Variants in MYO16 observed in about 807,000 individuals in gnomAD.
MYO16 encodes the protein unconventional myosin-XVI.
Under a neutral mutation model 205.3 loss-of-function variants are expected in MYO16, and 94 were observed. That is an observed-to-expected ratio of 0.46 (90% confidence interval 0.39 to 0.54). The LOEUF (loss-of-function observed/expected upper bound fraction) is 0.54. Among genes scored for constraint, MYO16 ranks in the 20% least tolerant of loss-of-function variants. The pLI is 0.00. For synonymous variants in MYO16, 988 were observed against 954.0 expected (o/e 1.04, Z -0.66); for missense variants, 2,315 against 2,387.5 (o/e 0.97, Z 0.63).
At chr13:109,066,662 C>T (rs997559765) in intron 27 of MYO16, among the ~76,000 whole-genome samples, 4 of 152,216 alleles carry the variant, frequency 2.6e-5, no homozygotes, top group Non-Finnish European at 5.9e-5. Flanking sequence ...CCAAATAGTA[C>T]GTATTGTAGA....
intron 2 of MYO16, among the ~76,000 whole-genome samples, chr13:108,685,321 G>C (rs4643167): frequency 0.02 from 2,977 of 152,140 alleles, 83 homozygotes; most frequent in African/African-American, 0.068. Flanking sequence ...GCACCCAGCC[G>C]AGAACCCCAA....
chr13:108,816,499 C>G (rs1388546360), intron 7 of MYO16, among the ~76,000 whole-genome samples: 1 of 152,128 alleles, frequency 6.6e-6, no homozygotes, highest in Non-Finnish European at 1.5e-5. Context: ...ATCTCTCCCC[C>G]ACATATTTTG....
intron 22 of MYO16, among the ~76,000 whole-genome samples, 165 bp from the exon 23 acceptor site, chr13:109,019,546 C>G (rs1266850762): frequency 2.0e-5 from 3 of 152,034 alleles, no homozygotes; most frequent in African/African-American, 7.2e-5. Context: ...CAGAGCCCTG[C>G]TAGGTGGTGG....
upstream of MYO16, among the ~76,000 whole-genome samples, chr13:108,593,955 T>C (rs1878469948): frequency 6.6e-6 from 1 of 152,142 alleles, no homozygotes; most frequent in Non-Finnish European, 1.5e-5. Flanking sequence ...CCACTGAACA[T>C]AAACAATTTT....
In MYO16 at chr13:108,674,050, C is replaced by T. The variant is rs139696494; in HGVS notation, c.292+7901C>T. ...CTCTAAATAGATGCCTAAAATATGT[C>T]GATGATCAATATACATTGAATGATG... On this transcript the variant is annotated intron_variant, in intron 2 of 34. Coordinates refer to ENST00000457511, the MANE Select transcript of MYO16 (RefSeq NM_001198950.3). Among the ~76,000 whole-genome samples the T allele has an allele frequency of 1.7e-4, 26 of 152,194 alleles. No homozygotes were observed. The East Asian group carries it at 5.0e-3, about 29-fold the overall frequency.
rs529677094 is a variant in MYO16 at position 108,620,763 on chromosome 13, C to T, written c.-39+24524C>T. 6.6e-5 allele frequency among the ~76,000 whole-genome samples: 10 copies of T among 152,306 alleles called. No individual in the cohort carries two copies. The South Asian group carries it at 2.1e-3, about 32-fold the overall frequency. ...GTCCCCAGTTCCTCGCCCTTGGGGG[C>T]CTTGAGTGGCCTCCACTTCCCAAAC... is the stretch of plus-strand genomic sequence containing the variant. On this transcript the variant is annotated intron_variant, in intron 1 of 24. Coordinates refer to the MYO16 transcript ENST00000251041.
In MYO16 at chr13:108,665,981, G is replaced by C. The variant is rs1390908134; in HGVS notation, c.124G>C (p.Val42Leu). ...TCCCCTTGGCCAACGGCAGCGTCTAGTGAAGCGCATGCGCTGTGAGCAAAT... is the reference window on the plus strand; with the variant it reads ...TCCCCTTGGCCAACGGCAGCGTCTACTGAAGCGCATGCGCTGTGAGCAAAT... Reference protein sequence around the residue: ...SLPLGQRQRLVKRMRCEQIKA... With the variant: ...SLPLGQRQRLLKRMRCEQIKA... The change falls in exon 2 of 35, where the codon GTG becomes CTG. Residue 42 changes from valine to leucine, a missense_variant. Coordinates refer to ENST00000457511, the MANE Select transcript of MYO16 (RefSeq NM_001198950.3). 3.1e-6 allele frequency: 5 copies of C among 1,614,048 alleles called. No individual in the cohort carries two copies. Among genetic ancestry groups the C allele is most frequent in the Non-Finnish European group, 4.2e-6 (5 of 1,180,008 alleles).
chr13:108,778,786 A>T (rs1161412268), intron 4 of MYO16, among the ~76,000 whole-genome samples: 1 of 152,198 alleles, frequency 6.6e-6, no homozygotes, highest in Non-Finnish European at 1.5e-5. Context: ...ATTACATTAA[A>T]TTTTGTATTG....
intron 20 of MYO16, among the ~76,000 whole-genome samples, chr13:108,969,437 A>G (rs73616459): frequency 0.03 from 4,527 of 152,282 alleles, 205 homozygotes; most frequent in African/African-American, 0.1. Context: ...AATTTCACAT[A>G]TAGAAAATTG....
intron 12 of MYO16, among the ~76,000 whole-genome samples, chr13:108,880,952 G>A (rs1035145793): frequency 6.6e-6 from 1 of 152,154 alleles, no homozygotes; most frequent in Non-Finnish European, 1.5e-5. Context: ...ATTACCTTGG[G>A]CATGGAGTTT....
At chr13:109,197,411 T>A (rs112513402) in intron 34 of MYO16, among the ~76,000 whole-genome samples, 26 of 152,300 alleles carry the variant, frequency 1.7e-4, no homozygotes, top group African/African-American at 6.3e-4. Context: ...AGGTTTTTTT[T>A]TAAATGGACC....
chr13:108,984,794 G>T lies in MYO16; in HGVS notation c.2370-7582G>T, dbSNP rs1313021079. On this transcript the variant is annotated intron_variant, in intron 20 of 34. Transcript: ENST00000457511. ...ACATAAACTTCAAATACACCTCACG[G>T]CTCAGTCTCCTTTCAAGCCTATCCT... 2.6e-5 allele frequency among the ~76,000 whole-genome samples: 4 copies of T among 152,036 alleles called. No individual in the cohort carries two copies. The East Asian group carries it at 7.7e-4, about 29-fold the overall frequency.
At chr13:108,762,097 T>G (rs12583033) in intron 4 of MYO16, among the ~76,000 whole-genome samples, 5,019 of 152,300 alleles carry the variant, frequency 0.033, 243 homozygotes, top group East Asian at 0.24. Flanking sequence ...AACTTGTGGT[T>G]TTTGACTTTG....
chr13:109,121,731 C>T (rs1876000166), intron 29 of MYO16, among the ~76,000 whole-genome samples: 1 of 152,180 alleles, frequency 6.6e-6, no homozygotes, highest in Admixed American at 6.5e-5. Context: ...CACAGTGGCC[C>T]CAAACCCCCA....
the MYO16 span, among the ~76,000 whole-genome samples, chr13:108,510,425 ATT>A: frequency 1.8e-4 from 17 of 97,090 alleles, no homozygotes; most frequent in African/African-American, 6.4e-4. Context: ...TAGATAGTTA[ATT>A]TTTTTTTTTT....
chr13:108,967,292 C>A (rs149204678), intron 20 of MYO16, among the ~76,000 whole-genome samples: 8 of 152,076 alleles, frequency 5.3e-5, no homozygotes, highest in African/African-American at 1.9e-4. Context: ...ATTTGTTACA[C>A]GATGGATTCA....
chr13:108,696,572 G>A (rs9520966), intron 2 of MYO16, among the ~76,000 whole-genome samples: 35,065 of 151,996 alleles, frequency 0.23, 4,622 homozygotes, highest in East Asian at 0.45. Flanking sequence ...TCAGAATAAC[G>A]GGTTGTCCCT....
chr13:109,114,444 CT>C (rs781562528), intron 28 of MYO16, among the ~76,000 whole-genome samples: 2 of 152,318 alleles, frequency 1.3e-5, no homozygotes, highest in Admixed American at 6.5e-5. Context: ...CACTAACTTT[CT>C]GTGTGGACTG....
intron 7 of MYO16, among the ~76,000 whole-genome samples, chr13:108,813,304 T>C (rs1887351139): frequency 6.6e-6 from 1 of 152,204 alleles, no homozygotes; most frequent in Non-Finnish European, 1.5e-5. Flanking sequence ...GTTCACATGG[T>C]TCTCAGAGTT....
Sources: gnomAD v4.1 joint callset for allele counts (sites outside exome capture counted in the v4.1 genomes callset) on GRCh38, gnomAD v4.1.1 for gene constraint, MANE v1.5 for transcripts, NCBI Gene and HGNC (gene_info 2026-07-23, HGNC 2026-07-21) for gene names.